The following BMP6 variants were observed in gnomAD, a reference collection of about 807,000 sequenced individuals.
BMP6 encodes the protein bone morphogenetic protein 6.
Under a neutral mutation model 54.1 loss-of-function variants are expected in BMP6, and 17 were observed. The observed-to-expected ratio is 0.31, with a 90% CI of 0.22 to 0.47. BMP6 has a LOEUF of 0.47. BMP6 is among the 20% of genes least tolerant of loss of function. BMP6 has a pLI of 1.00. For synonymous variants in BMP6, 328 were observed against 291.2 expected (o/e 1.13, Z -1.28); for missense variants, 720 against 690.4 (o/e 1.04, Z -0.48).
At chr6:7,742,464 G>C (rs1201633693) in intron 1 of BMP6, among the ~76,000 whole-genome samples, 2 of 152,170 alleles carry the variant, frequency 1.3e-5, no homozygotes, top group Non-Finnish European at 2.9e-5. Context: ...GAAGGTGTTA[G>C]ACATTCTGTT....
intron 1 of BMP6, among the ~76,000 whole-genome samples, chr6:7,825,151 T>C (rs1758672814): frequency 6.6e-6 from 1 of 152,180 alleles, no homozygotes; most frequent in Non-Finnish European, 1.5e-5. Flanking sequence ...ACCCCATTTC[T>C]ACAAAAAATA....
intron 2 of BMP6, among the ~76,000 whole-genome samples, chr6:7,852,728 T>C (rs1464118032): frequency 6.6e-6 from 1 of 152,226 alleles, no homozygotes; most frequent in Non-Finnish European, 1.5e-5. Flanking sequence ...GCTTTGCTTT[T>C]GAGCCTCTAA....
intron 4 of BMP6, among the ~76,000 whole-genome samples, chr6:7,864,123 C>T (rs560081304): frequency 3.9e-5 from 6 of 152,264 alleles, no homozygotes; most frequent in African/African-American, 1.2e-4. Flanking sequence ...CAGCCAGTCC[C>T]GTAGCTAGTT....
At chr6:7,831,384 G>A (rs757626583) in intron 1 of BMP6, among the ~76,000 whole-genome samples, 12 of 152,202 alleles carry the variant, frequency 7.9e-5, no homozygotes, top group Non-Finnish European at 1.5e-4. Flanking sequence ...GGTAGTGGAT[G>A]CACAACATTA....
chr6:7,785,222 T>C (rs768326726), intron 1 of BMP6, among the ~76,000 whole-genome samples: 2 of 152,252 alleles, frequency 1.3e-5, no homozygotes, highest in Non-Finnish European at 2.9e-5. Context: ...GCAAAGAAGA[T>C]AGCGGGTCTA....
intron 2 of BMP6, among the ~76,000 whole-genome samples, chr6:7,854,727 C>T (rs1405930171): frequency 1.3e-5 from 2 of 152,136 alleles, no homozygotes; most frequent in Non-Finnish European, 2.9e-5. Flanking sequence ...ACCCAGGAGG[C>T]GGAGGTTGCA....
At chr6:7,823,727 G>A (rs532661185) in intron 1 of BMP6, among the ~76,000 whole-genome samples, 1 of 152,320 alleles carries the variant, frequency 6.6e-6, no homozygotes, top group Admixed American at 6.5e-5. Context: ...TCTGCACTGA[G>A]GAAATAGCAT....
At chr6:7,867,308 G>A (rs1481614695) in intron 4 of BMP6, among the ~76,000 whole-genome samples, 2 of 152,158 alleles carry the variant, frequency 1.3e-5, no homozygotes, top group African/African-American at 4.8e-5. Flanking sequence ...TATATTTTCT[G>A]TCCTTTAAGC....
chr6:7,854,974 C>T (rs1235379879), intron 2 of BMP6, among the ~76,000 whole-genome samples: 2 of 152,156 alleles, frequency 1.3e-5, no homozygotes, highest in Non-Finnish European at 2.9e-5. Context: ...CCCCCTCTTA[C>T]CCTGCCTTGG....
chr6:7,860,271 T>C (rs1316792087), intron 2 of BMP6, among the ~76,000 whole-genome samples: 2 of 152,242 alleles, frequency 1.3e-5, no homozygotes, highest in African/African-American at 4.8e-5. Flanking sequence ...TGTAAATGTA[T>C]GCTTATCTTA....
intron 1 of BMP6, among the ~76,000 whole-genome samples, chr6:7,761,637 C>T (rs779307883): frequency 3.9e-5 from 6 of 152,202 alleles, no homozygotes; most frequent in Non-Finnish European, 8.8e-5. Context: ...GTCAGTATCT[C>T]AGGCACCTGC....
chr6:7,786,830 T>C (rs1758027502), intron 1 of BMP6, among the ~76,000 whole-genome samples: 1 of 151,954 alleles, frequency 6.6e-6, no homozygotes, highest in Admixed American at 6.6e-5. Flanking sequence ...GCAGGGAGGG[T>C]TTCCCTGAGG....
chr6:7,762,868 G>GT (rs1757633005), intron 1 of BMP6, among the ~76,000 whole-genome samples: 1 of 152,236 alleles, frequency 6.6e-6, no homozygotes, highest in Admixed American at 6.5e-5. Flanking sequence ...TTGGCTTGAT[G>GT]TTTAAGCCGC....
intron 1 of BMP6, among the ~76,000 whole-genome samples, chr6:7,834,963 C>T (rs1758849887): frequency 6.6e-6 from 1 of 152,134 alleles, no homozygotes; most frequent in Non-Finnish European, 1.5e-5. Flanking sequence ...GAGCTAGGAA[C>T]CCACAGACAG....
At chr6:7,787,231 G>A (rs1483451636) in intron 1 of BMP6, among the ~76,000 whole-genome samples, 10 of 152,176 alleles carry the variant, frequency 6.6e-5, no homozygotes, top group Admixed American at 2.0e-4. Context: ...CTTCTGGCCA[G>A]TTGTACATAT....
At chr6:7,866,225 TG>T (rs1398594241) in intron 4 of BMP6, among the ~76,000 whole-genome samples, 1 of 152,268 alleles carries the variant, frequency 6.6e-6, no homozygotes, top group African/African-American at 2.4e-5. Context: ...AGCCTCTGCA[TG>T]GTATCATTTA....
At chr6:7,777,341 A>C (rs921540006) in intron 1 of BMP6, among the ~76,000 whole-genome samples, 1 of 152,236 alleles carries the variant, frequency 6.6e-6, no homozygotes, top group Admixed American at 6.5e-5. Context: ...GGCAGCCTTC[A>C]AGGCAAGGGA....
At chr6:7,774,613 G>A (rs915569147) in intron 1 of BMP6, among the ~76,000 whole-genome samples, 1 of 151,968 alleles carries the variant, frequency 6.6e-6, no homozygotes, top group Admixed American at 6.6e-5. Flanking sequence ...TACTCGAGAG[G>A]TTGAAGCCCC....
intron 4 of BMP6, among the ~76,000 whole-genome samples, chr6:7,862,815 C>T (rs551440984): frequency 1.3e-5 from 2 of 151,944 alleles, no homozygotes; most frequent in South Asian, 4.1e-4. Context: ...CTGGGAGCAC[C>T]TAGATTCTTT....
Sources: allele counts gnomAD v4.1 joint callset (sites outside exome capture counted in the v4.1 genomes callset), GRCh38; gene constraint gnomAD v4.1.1; transcripts MANE v1.5; gene names NCBI Gene and HGNC (gene_info 2026-07-23, HGNC 2026-07-21).